Variants in PPHLN1 observed in about 807,000 individuals in gnomAD.
The protein encoded by PPHLN1 is periphilin-1.
Under a neutral mutation model 51.3 loss-of-function variants are expected in PPHLN1, and 29 were observed. The ratio of observed to expected loss-of-function variants is 0.57; its 90% CI spans 0.42 to 0.77. The LOEUF (loss-of-function observed/expected upper bound fraction) is 0.77, where lower values mean the gene tolerates loss of function less well. Among genes scored for constraint, PPHLN1 ranks in the 30% least tolerant of loss-of-function variants. The probability of loss-of-function intolerance (pLI) is 0.00; values close to 1 mark genes in which losing one functional copy is unlikely to be tolerated. For synonymous variants in PPHLN1, 147 were observed against 147.8 expected, an observed-to-expected ratio of 0.99 and a Z score of 0.04; for missense variants, 436 against 438.4, an observed-to-expected ratio of 0.99 and a Z score of 0.05.
intron 9 of PPHLN1, among the ~76,000 whole-genome samples, chr12:42,410,638 G>A (rs1249744704): frequency 1.3e-5 from 2 of 152,222 alleles, no homozygotes. Context: ...TCCAGCTAAT[G>A]AAGATAAATA....
At chr12:42,403,624 T>A (rs140734529) in intron 9 of PPHLN1, among the ~76,000 whole-genome samples, 178 of 152,332 alleles carry the variant, frequency 1.2e-3, no homozygotes, top group African/African-American at 4.2e-3. Flanking sequence ...AGATGTTATA[T>A]TTACATCAAA....
chr12:42,384,536 T>C (rs906602762), intron 5 of PPHLN1, among the ~76,000 whole-genome samples: 12 of 152,222 alleles, frequency 7.9e-5, no homozygotes, highest in African/African-American at 2.7e-4. Context: ...GCAGGTGTAC[T>C]CCTTTCTCAG....
intron 9 of PPHLN1, among the ~76,000 whole-genome samples, chr12:42,400,677 AG>A (rs894998462): frequency 6.6e-6 from 1 of 152,010 alleles, no homozygotes; most frequent in African/African-American, 2.4e-5. Context: ...GCTAAGATGC[AG>A]TTCTTAAAAG....
At chr12:42,349,008 A>C (rs940771153) in intron 2 of PPHLN1, among the ~76,000 whole-genome samples, 14 of 152,200 alleles carry the variant, frequency 9.2e-5, no homozygotes, top group South Asian at 2.1e-4. Flanking sequence ...AATTAGTTAG[A>C]TCTTTTAAGC....
At chr12:42,337,324 C>T (rs577193242) in intron 2 of PPHLN1, among the ~76,000 whole-genome samples, 2 of 148,542 alleles carry the variant, frequency 1.3e-5, no homozygotes, top group South Asian at 2.1e-4. Context: ...AGTGCAATGG[C>T]GCAGTCTTGG....
intron 9 of PPHLN1, among the ~76,000 whole-genome samples, chr12:42,410,431 A>G (rs1054275735): frequency 6.6e-6 from 1 of 152,204 alleles, no homozygotes; most frequent in African/African-American, 2.4e-5. Flanking sequence ...CTTCCTACCA[A>G]TAGCTGGCAT....
At chr12:42,352,223 G>A (rs1312345984) in intron 3 of PPHLN1, among the ~76,000 whole-genome samples, 174 bp downstream of exon 3, 1 of 152,012 alleles carries the variant, frequency 6.6e-6, no homozygotes, top group Admixed American at 6.6e-5. Context: ...CAAGAATCTT[G>A]GGGTACTGGA....
intron 9 of PPHLN1, among the ~76,000 whole-genome samples, chr12:42,429,819 C>T (rs60131568): frequency 0.028 from 4,231 of 152,260 alleles, 217 homozygotes; most frequent in African/African-American, 0.097. Flanking sequence ...CCTCCAGGGT[C>T]AAAGCAGAAC....
chr12:42,427,255 T>G (rs1042663378), intron 9 of PPHLN1, among the ~76,000 whole-genome samples: 1 of 152,202 alleles, frequency 6.6e-6, no homozygotes, highest in Non-Finnish European at 1.5e-5. Context: ...TCTCAAATAT[T>G]TCTTTTGTAA....
At chr12:42,412,598 CAT>C (rs1592832479) in intron 9 of PPHLN1, among the ~76,000 whole-genome samples, 2 of 151,982 alleles carry the variant, frequency 1.3e-5, no homozygotes, top group Non-Finnish European at 2.9e-5. Flanking sequence ...TGTATAAACA[CAT>C]GTCTTTTTGA....
intron 9 of PPHLN1, chr12:42,433,075 T>C: frequency 1.2e-6 from 1 of 816,656 alleles, no homozygotes; most frequent in East Asian, 2.4e-5. Context: ...TTTTTGACAG[T>C]TTTATTTTTA....
At chr12:42,354,377 C>T (rs905602965) in intron 3 of PPHLN1, among the ~76,000 whole-genome samples, 2 of 151,984 alleles carry the variant, frequency 1.3e-5, no homozygotes, top group African/African-American at 4.8e-5. Flanking sequence ...CGCCACCGTG[C>T]CCGGCTAATT....
At chr12:42,349,706 G>A (rs2138138192) in intron 2 of PPHLN1, among the ~76,000 whole-genome samples, 1 of 152,200 alleles carries the variant, frequency 6.6e-6, no homozygotes, top group Admixed American at 6.5e-5. Context: ...ACATGTTTCA[G>A]AGAGCACGGG....
At chr12:42,359,204 G>A (rs1352266470) in intron 4 of PPHLN1, 1 of 152,082 alleles carries the variant, frequency 6.6e-6, no homozygotes, top group Non-Finnish European at 1.5e-5. Context: ...TAGTTGATCA[G>A]CTTCCATAAC....
At chr12:42,421,567 C>T (rs1309139686) in intron 9 of PPHLN1, among the ~76,000 whole-genome samples, 2 of 152,076 alleles carry the variant, frequency 1.3e-5, no homozygotes, top group Non-Finnish European at 2.9e-5. Flanking sequence ...AGGCTGCTCT[C>T]GAACTCCTGA....
At chr12:42,442,334 C>T (rs749655466), downstream of PPHLN1, among the ~76,000 whole-genome samples, 3 of 152,168 alleles carry the variant, frequency 2.0e-5, no homozygotes, top group East Asian at 1.9e-4. Flanking sequence ...AGGCTGAGGG[C>T]GAAGAGTAGG....
chr12:42,435,100 C>A (rs2082365988), intron 9 of PPHLN1, among the ~76,000 whole-genome samples: 1 of 152,084 alleles, frequency 6.6e-6, no homozygotes, highest in Non-Finnish European at 1.5e-5. Context: ...GGAATTATTT[C>A]TTTTTGTCTA....
chr12:42,442,522 G>A (rs1306127352), downstream of PPHLN1: 7 of 1,365,688 alleles, frequency 5.1e-6, no homozygotes, highest in East Asian at 2.3e-5. Context: ...AAATACAAGC[G>A]GCTCCAGCTT....
intron 9 of PPHLN1, among the ~76,000 whole-genome samples, chr12:42,402,332 C>T (rs2078916330): frequency 6.6e-6 from 1 of 152,140 alleles, no homozygotes. Context: ...ACTTCTTAGC[C>T]ATTTAGGAAC....
Sources: allele counts gnomAD v4.1 joint callset (sites outside exome capture counted in the v4.1 genomes callset), GRCh38; gene constraint gnomAD v4.1.1; transcripts MANE v1.5; gene names NCBI Gene and HGNC (gene_info 2026-07-23, HGNC 2026-07-21).